Variants in GPC6 observed in about 807,000 individuals in gnomAD.
GPC6 encodes glypican-6.
GPC6 carries 14 observed loss-of-function variants against 55.2 expected under a neutral mutation model. The ratio of observed to expected loss-of-function variants is 0.25; its 90% CI spans 0.17 to 0.40. The LOEUF (loss-of-function observed/expected upper bound fraction) is 0.40. Among genes scored for constraint, GPC6 ranks in the 10% least tolerant of loss-of-function variants. The pLI, the probability that GPC6 is intolerant of heterozygous loss-of-function variation, is 1.00. For synonymous variants in GPC6, 278 were observed against 259.6 expected (o/e 1.07, Z -0.68); for missense variants, 641 against 708.5 (o/e 0.90, Z 1.08).
intron 3 of GPC6, among the ~76,000 whole-genome samples, chr13:94,023,242 T>G (rs897512758): frequency 1.3e-5 from 2 of 151,938 alleles, no homozygotes; most frequent in African/African-American, 4.8e-5. Context: ...TAAGTATGAG[T>G]TTTTAGAACT....
At position 93,958,056 on chromosome 13, in the gene GPC6, G is replaced by C. The variant is rs190644597; in HGVS notation, c.712-69673G>C. ...CATGTCCTTTGCCTAATTTTTAATA[G>C]GGTTATTTGATTTTTTCGTGTTAAT... On this transcript the variant is annotated intron_variant, in intron 3 of 8. Transcript: ENST00000377047. Among the ~76,000 whole-genome samples the C allele has an allele frequency of 2.3e-3, 345 of 152,162 alleles. 1 individual carries two copies. The highest frequency in any genetic ancestry group is 7.9e-3 in the African/African-American group (329 of 41,526).
intron 2 of GPC6, among the ~76,000 whole-genome samples, chr13:93,699,209 G>C (rs1882583725): frequency 6.6e-6 from 1 of 152,106 alleles, no homozygotes; most frequent in Admixed American, 6.6e-5. Context: ...ATTTTGTGCA[G>C]CCAAGATTGC....
chr13:94,223,943 C>T (rs943357634), intron 4 of GPC6, among the ~76,000 whole-genome samples: 1 of 152,132 alleles, frequency 6.6e-6, no homozygotes, highest in Middle Eastern at 3.2e-3. Flanking sequence ...TTGAACAAGG[C>T]AGAGCTCTGC....
At chr13:94,270,060 A>G (rs1891942320) in intron 4 of GPC6, among the ~76,000 whole-genome samples, 1 of 152,162 alleles carries the variant, frequency 6.6e-6, no homozygotes, top group Non-Finnish European at 1.5e-5. Context: ...GTCTGCTTGA[A>G]TGTCTGTTTT....
rs769416326 is a variant in GPC6, at chr13:94,305,974, T to C, written c.1009-6T>C. 1.4e-5 allele frequency: 23 copies of C among 1,614,036 alleles called. No individual in the cohort carries two copies. Among genetic ancestry groups the C allele is most frequent in the Non-Finnish European group, 1.9e-5 (23 of 1,179,880 alleles). ...AGCTGTTTTTACTTTTCAATGGTTCTTCCAGGTCTTTCAGGGATGTGGTCA... is the reference window on the plus strand; with the variant it reads ...AGCTGTTTTTACTTTTCAATGGTTCCTCCAGGTCTTTCAGGGATGTGGTCA... On this transcript the variant is annotated splice_polypyrimidine_tract_variant and splice_region_variant and intron_variant, in intron 5 of 8. Coordinates refer to ENST00000377047, the MANE Select transcript of GPC6 (RefSeq NM_005708.5).
intron 2 of GPC6, among the ~76,000 whole-genome samples, chr13:93,593,765 A>T (rs1279419455): frequency 2.0e-5 from 3 of 152,170 alleles, no homozygotes; most frequent in Non-Finnish European, 4.4e-5. Flanking sequence ...AAAAATATCA[A>T]AATATCTTAA....
At chr13:93,263,694 CCACT>C (rs76295665) in intron 1 of GPC6, among the ~76,000 whole-genome samples, 25,540 of 152,072 alleles carry the variant, frequency 0.17, 2,240 homozygotes, top group Middle Eastern at 0.23. Flanking sequence ...TCTCCTGCGA[CCACT>C]CTGTATTATT....
At chr13:94,319,481 T>G (rs1053128135) in intron 6 of GPC6, among the ~76,000 whole-genome samples, 26 of 152,256 alleles carry the variant, frequency 1.7e-4, no homozygotes, top group African/African-American at 5.3e-4. Flanking sequence ...ATACTGGAAC[T>G]TTTAATATAC....
chr13:93,310,060 A>G (rs1879011571), intron 1 of GPC6, among the ~76,000 whole-genome samples: 1 of 152,232 alleles, frequency 6.6e-6, no homozygotes, highest in Non-Finnish European at 1.5e-5. Context: ...GTGACTGGTT[A>G]CTATGGTAAC....
chr13:93,997,002 A>G (rs1340737544), intron 3 of GPC6, among the ~76,000 whole-genome samples: 1 of 152,156 alleles, frequency 6.6e-6, no homozygotes, highest in Non-Finnish European at 1.5e-5. Context: ...TGTCTTAGAG[A>G]TGTGGTGTTC....
intron 1 of GPC6, among the ~76,000 whole-genome samples, chr13:93,523,869 T>A (rs994574259): frequency 6.6e-6 from 1 of 151,968 alleles, no homozygotes; most frequent in Non-Finnish European, 1.5e-5. Context: ...ATAGACCAGG[T>A]GCACTGGAAG....
At chr13:93,720,150 AGGAAT>A (rs1883401436) in intron 2 of GPC6, among the ~76,000 whole-genome samples, 1 of 152,152 alleles carries the variant, frequency 6.6e-6, no homozygotes, top group Admixed American at 6.6e-5. Flanking sequence ...TAGTTTCAGA[AGGAAT>A]GGTACCAGCT....
At chr13:93,721,721 C>T (rs897642389) in intron 2 of GPC6, among the ~76,000 whole-genome samples, 1 of 151,648 alleles carries the variant, frequency 6.6e-6, no homozygotes, top group African/African-American at 2.4e-5. Context: ...TTAAATCATT[C>T]CTTAGTCCTT....
At position 94,406,493 on chromosome 13, in the gene GPC6, A is replaced by G. The variant is rs1881373860; in HGVS notation, c.*3276A>G. ...TGACTTACCTAGCTAGCATCAAGTAACTTGTATCACCTGCTTTAAATGTAA... is the reference window on the plus strand; with the variant it reads ...TGACTTACCTAGCTAGCATCAAGTAGCTTGTATCACCTGCTTTAAATGTAA... On this transcript the variant is annotated 3_prime_UTR_variant, in exon 9 of 9. Coordinates refer to ENST00000377047, the MANE Select transcript of GPC6 (RefSeq NM_005708.5). The G allele has an allele frequency of 6.6e-6, 1 of 152,156 alleles. No homozygotes were observed. The highest frequency in any genetic ancestry group is 6.5e-5 in the Admixed American group (1 of 15,282). 9.4% of individuals were successfully genotyped at this position (152,156 alleles called of 1,614,324 possible). A position where few individuals can be genotyped will look rare whatever the true frequency, so the allele number is the denominator to read the frequency against.
intron 4 of GPC6, among the ~76,000 whole-genome samples, chr13:94,096,950 A>G (rs989072756): frequency 2.0e-5 from 3 of 152,036 alleles, no homozygotes; most frequent in Non-Finnish European, 4.4e-5. Flanking sequence ...AAAGCCATCA[A>G]CTCAGAAAAA....
chr13:94,205,149 T>C (rs930562050), intron 4 of GPC6, among the ~76,000 whole-genome samples: 26 of 152,208 alleles, frequency 1.7e-4, no homozygotes, highest in African/African-American at 5.8e-4. Context: ...TTGATGCTTA[T>C]CTGCATTTGG....
intron 1 of GPC6, among the ~76,000 whole-genome samples, chr13:93,441,653 C>T (rs893424674): frequency 6.6e-6 from 1 of 152,166 alleles, no homozygotes; most frequent in African/African-American, 2.4e-5. Context: ...TGCCTGTTCA[C>T]TCTGATGGTA....
chr13:94,049,638 T>A (rs1037768820), intron 4 of GPC6, among the ~76,000 whole-genome samples: 1 of 152,150 alleles, frequency 6.6e-6, no homozygotes, highest in African/African-American at 2.4e-5. Context: ...AGTCATTCCA[T>A]TGAGACTTTC....
chr13:94,209,585 C>T (rs891830434), intron 4 of GPC6, among the ~76,000 whole-genome samples: 19 of 152,082 alleles, frequency 1.2e-4, no homozygotes, highest in Admixed American at 3.9e-4. Context: ...CATTTGAAAA[C>T]GGCAGAAGAA....
Sources: gnomAD v4.1 joint callset for allele counts (sites outside exome capture counted in the v4.1 genomes callset) on GRCh38, gnomAD v4.1.1 for gene constraint, MANE v1.5 for transcripts, NCBI Gene and HGNC (gene_info 2026-07-23, HGNC 2026-07-21) for gene names.